ZNF536: variants seen among roughly 807,000 people sequenced by gnomAD.
ZNF536 encodes zinc finger protein 536.
In ZNF536, 13 loss-of-function variants were observed where a neutral mutation model predicts 84.5. The ratio of observed to expected loss-of-function variants is 0.15; its 90% CI spans 0.10 to 0.24. The LOEUF (loss-of-function observed/expected upper bound fraction) is 0.24, where lower values mean the gene tolerates loss of function less well. ZNF536 is among the 10% of genes least tolerant of loss of function. The pLI is 1.00. For synonymous variants in ZNF536, 811 were observed against 742.5 expected, an observed-to-expected ratio of 1.09 and a Z score of -1.50; for missense variants, 1,536 against 1,747.5, an observed-to-expected ratio of 0.88 and a Z score of 2.16.
At chr19:30,344,955 C>T (rs577620658) in intron 2 of ZNF536, among the ~76,000 whole-genome samples, 2 of 152,266 alleles carry the variant, frequency 1.3e-5, no homozygotes, top group Admixed American at 6.5e-5. Context: ...AGATTGGATG[C>T]TACTTTCTGT....
intron 1 of ZNF536, among the ~76,000 whole-genome samples, chr19:30,696,587 C>T (rs1435595910): frequency 6.6e-6 from 1 of 152,186 alleles, no homozygotes; most frequent in Non-Finnish European, 1.5e-5. Flanking sequence ...ACCACCCAGG[C>T]GGGCTGATGG....
At chr19:30,294,085 C>T (rs1721921615) in intron 2 of ZNF536, among the ~76,000 whole-genome samples, 1 of 152,168 alleles carries the variant, frequency 6.6e-6, no homozygotes, top group Admixed American at 6.5e-5. Flanking sequence ...TCTACTCCGA[C>T]GGTCCCTGTC....
At chr19:30,677,457 T>C (rs2050793308) in intron 1 of ZNF536, among the ~76,000 whole-genome samples, 1 of 152,194 alleles carries the variant, frequency 6.6e-6, no homozygotes, top group African/African-American at 2.4e-5. Flanking sequence ...CCCTTGGCCA[T>C]CCACCTGGGG....
chr19:30,406,510 A>G (rs1166358189), intron 1 of ZNF536, among the ~76,000 whole-genome samples: 1 of 152,184 alleles, frequency 6.6e-6, no homozygotes, highest in Non-Finnish European at 1.5e-5. Context: ...GGAAGGATAC[A>G]TTGTAGGGCT....
At chr19:30,500,626 G>A (rs2054910812) in intron 2 of ZNF536, among the ~76,000 whole-genome samples, 1 of 150,826 alleles carries the variant, frequency 6.6e-6, no homozygotes, top group Non-Finnish European at 1.5e-5. Flanking sequence ...GGATGAATGT[G>A]GGTCTCACAC....
chr19:30,653,763 CA>C (rs571299737), intron 1 of ZNF536, among the ~76,000 whole-genome samples: 5 of 152,108 alleles, frequency 3.3e-5, no homozygotes, highest in Non-Finnish European at 7.4e-5. Flanking sequence ...CCTTCTCCGC[CA>C]AGGGGTCCCG....
intron 2 of ZNF536, among the ~76,000 whole-genome samples, chr19:30,294,549 ATGTGTGTGTGTGTGTGTGTGTG>A (rs55972417): frequency 2.1e-5 from 3 of 145,604 alleles, no homozygotes; most frequent in Admixed American, 6.9e-5. Flanking sequence ...AGGCCCCAAT[ATGTGTGTGTGTGTGTGTGTGTG>A]TGTGTGTGTG....
At chr19:30,484,694 T>TC (rs1243214304) in intron 2 of ZNF536, among the ~76,000 whole-genome samples, 7 of 151,634 alleles carry the variant, frequency 4.6e-5, no homozygotes, top group African/African-American at 1.7e-4. Context: ...TCTTTTTTTT[T>TC]TTTTGTCTTC....
At chr19:30,609,992 AC>A (rs2048045427) in intron 1 of ZNF536, among the ~76,000 whole-genome samples, 1 of 151,844 alleles carries the variant, frequency 6.6e-6, no homozygotes, top group Non-Finnish European at 1.5e-5. Flanking sequence ...CCATCCACCC[AC>A]CCATCTATCC....
At chr19:30,496,802 T>A (rs1374379368) in intron 2 of ZNF536, among the ~76,000 whole-genome samples, 1 of 150,960 alleles carries the variant, frequency 6.6e-6, no homozygotes, top group Non-Finnish European at 1.5e-5. Context: ...TATGGTGAGC[T>A]AGTCGAGTAG....
intron 1 of ZNF536, among the ~76,000 whole-genome samples, chr19:30,594,652 C>T (rs2047391504): frequency 1.3e-5 from 2 of 152,124 alleles, no homozygotes; most frequent in Non-Finnish European, 2.9e-5. Context: ...GCAGGGGGCA[C>T]ACCAGGGCAC....
chr19:30,401,692 T>C (rs1195020404), intron 1 of ZNF536, among the ~76,000 whole-genome samples: 1 of 152,262 alleles, frequency 6.6e-6, no homozygotes, highest in Non-Finnish European at 1.5e-5. Flanking sequence ...TATGTTTTTC[T>C]ATTTCTATTC....
intron 1 of ZNF536, among the ~76,000 whole-genome samples, chr19:30,630,888 T>C (rs2048863161): frequency 6.6e-6 from 1 of 152,200 alleles, no homozygotes. Context: ...CTGGATCAGA[T>C]AACAGATGCA....
At chr19:30,604,125 A>G (rs1426687764) in intron 1 of ZNF536, among the ~76,000 whole-genome samples, 3 of 152,230 alleles carry the variant, frequency 2.0e-5, no homozygotes, top group Non-Finnish European at 4.4e-5. Context: ...GTAAACCACA[A>G]GGATGCTCAT....
At chr19:30,287,402 A>G (rs928634716) in intron 2 of ZNF536, among the ~76,000 whole-genome samples, 2 of 144,930 alleles carry the variant, frequency 1.4e-5, no homozygotes, top group African/African-American at 5.2e-5. Context: ...TGGATAAATG[A>G]ATGGATGGAT....
intron 2 of ZNF536, among the ~76,000 whole-genome samples, chr19:30,519,641 C>A (rs552811175): frequency 1.3e-5 from 2 of 152,322 alleles, no homozygotes; most frequent in Non-Finnish European, 2.9e-5. Context: ...AGGCCCCACA[C>A]CCTGGAAGGG....
At chr19:30,463,594 G>A (rs567466723) in intron 2 of ZNF536, among the ~76,000 whole-genome samples, 1 of 152,324 alleles carries the variant, frequency 6.6e-6, no homozygotes, top group African/African-American at 2.4e-5. Context: ...ACGGGGCATA[G>A]AGCACAGCAG....
intron 2 of ZNF536, among the ~76,000 whole-genome samples, chr19:30,467,971 G>C (rs943496728): frequency 3.3e-5 from 5 of 152,252 alleles, no homozygotes; most frequent in African/African-American, 1.2e-4. Context: ...TGCCATCCGG[G>C]AAGGAGGTGA....
intron 1 of ZNF536, among the ~76,000 whole-genome samples, chr19:30,415,921 T>A (rs2050712578): frequency 6.6e-6 from 1 of 152,218 alleles, no homozygotes; most frequent in Admixed American, 6.5e-5. Flanking sequence ...ATCATCATCA[T>A]TTTTCAATCC....
Sources: gnomAD v4.1 joint callset for allele counts (sites outside exome capture counted in the v4.1 genomes callset) on GRCh38, gnomAD v4.1.1 for gene constraint, MANE v1.5 for transcripts, NCBI Gene and HGNC (gene_info 2026-07-23, HGNC 2026-07-21) for gene names.